TFDP2: variants seen among roughly 807,000 people sequenced by gnomAD.
TFDP2 encodes the protein transcription factor Dp-2 (E2F dimerization partner 2).
A neutral mutation model predicts 59.3 loss-of-function variants in TFDP2; 17 were observed. The observed-to-expected ratio is 0.29, with a 90% confidence interval of 0.20 to 0.43. The LOEUF (loss-of-function observed/expected upper bound fraction) is 0.43. TFDP2 is among the 20% of genes least tolerant of loss of function. The pLI is 1.00. For synonymous variants in TFDP2, 180 were observed against 194.7 expected, an observed-to-expected ratio of 0.92 and a Z score of 0.63; for missense variants, 391 against 528.8, an observed-to-expected ratio of 0.74 and a Z score of 2.56.
chr3:142,087,001 C>G (rs2060826104), intron 3 of TFDP2, among the ~76,000 whole-genome samples: 1 of 152,064 alleles, frequency 6.6e-6, no homozygotes, highest in Non-Finnish European at 1.5e-5. Context: ...GAACTGGGGT[C>G]AAAGACCAAA....
intron 3 of TFDP2, chr3:142,043,727 T>C: frequency 2.3e-6 from 3 of 1,312,604 alleles, no homozygotes; most frequent in African/African-American, 2.9e-5. Context: ...GTCTTAGACC[T>C]GGGGGCCTCA....
chr3:141,995,883 CAAAAAAAAAAAAAA>C (rs146557075), intron 4 of TFDP2, among the ~76,000 whole-genome samples: 6 of 67,948 alleles, frequency 8.8e-5, no homozygotes, highest in Non-Finnish European at 1.5e-4. Context: ...AACTCCATTT[CAAAAAAAAAAAAAA>C]AAAAAAAAAA....
chr3:142,144,989 A>T (rs537880210), intron 1 of TFDP2, among the ~76,000 whole-genome samples: 1 of 152,368 alleles, frequency 6.6e-6, no homozygotes, highest in African/African-American at 2.4e-5. Context: ...GTGGCAGACT[A>T]CGGTAATATT....
intron 7 of TFDP2, among the ~76,000 whole-genome samples, 190 bp downstream of exon 7, chr3:141,978,330 G>C (rs1314481490): frequency 6.8e-6 from 1 of 146,030 alleles, no homozygotes; most frequent in Non-Finnish European, 1.5e-5. Context: ...GGGCGACAGA[G>C]TGAGGTTCCG....
intron 3 of TFDP2, among the ~76,000 whole-genome samples, chr3:142,074,007 G>T (rs1348367724): frequency 6.6e-6 from 1 of 152,164 alleles, no homozygotes; most frequent in Non-Finnish European, 1.5e-5. Flanking sequence ...GAAGAATAAA[G>T]TTGGAAAACT....
Position 142,002,748 on chromosome 3 carries a change from C to T in TFDP2, c.186+2693G>A, listed in dbSNP as rs114940636. 3.5e-3 allele frequency among the ~76,000 whole-genome samples: 532 copies of T among 152,294 alleles called. 3 individuals are homozygous for T. The highest frequency in any genetic ancestry group is 6.8e-3 in the Middle Eastern group (2 of 294). On this transcript the variant is annotated intron_variant, in intron 4 of 12. Coordinates refer to ENST00000489671, the MANE Select transcript of TFDP2 (RefSeq NM_001178139.2). ...CCATTATCCAGTTCCAAAGCCACTTCTACAGTTTTAGGTGTTTGTTATGGC... is the reference window on the plus strand; with the variant it reads ...CCATTATCCAGTTCCAAAGCCACTTTTACAGTTTTAGGTGTTTGTTATGGC...
At chr3:142,128,067 G>A (rs1352882327) in intron 1 of TFDP2, among the ~76,000 whole-genome samples, 1 of 151,986 alleles carries the variant, frequency 6.6e-6, no homozygotes, top group African/African-American at 2.4e-5. Flanking sequence ...AGAGTGTAGC[G>A]GCACATGTCT....
chr3:141,970,708 A>C (rs1250954620), intron 8 of TFDP2, among the ~76,000 whole-genome samples: 1 of 152,220 alleles, frequency 6.6e-6, no homozygotes, highest in Admixed American at 6.5e-5. Context: ...GCAAGATCTT[A>C]TTTACAATTC....
In TFDP2 at chr3:141,946,548, T is replaced by C. The variant is rs1935268904; in HGVS notation, c.*5965A>G. ...GGACCTGTCAGGGACTCCCAGGGCT[T>C]AGCCAGAGGGTCAAAGTGTTGTGCC... is the stretch of plus-strand genomic sequence containing the variant. On this transcript the variant is annotated 3_prime_UTR_variant, in exon 13 of 13. Coordinates refer to ENST00000489671, the MANE Select transcript of TFDP2 (RefSeq NM_001178139.2). 1 of 152,232 alleles carries C rather than the reference T, an allele frequency of 6.6e-6. No homozygotes were observed. The highest frequency in any genetic ancestry group is 1.5e-5 in the Non-Finnish European group (1 of 68,048). 9.4% of individuals were successfully genotyped at this position (152,232 alleles called of 1,614,324 possible). A position where few individuals can be genotyped will look rare whatever the true frequency, so the allele number is the denominator to read the frequency against.
chr3:142,094,685 T>C (rs1333266633), intron 2 of TFDP2, among the ~76,000 whole-genome samples: 2 of 152,230 alleles, frequency 1.3e-5, no homozygotes, highest in Non-Finnish European at 2.9e-5. Context: ...TATATAAAAA[T>C]GGCATACACT....
At chr3:142,022,874 C>A (rs1040827566) in intron 3 of TFDP2, among the ~76,000 whole-genome samples, 1 of 152,058 alleles carries the variant, frequency 6.6e-6, no homozygotes, top group Admixed American at 6.5e-5. Flanking sequence ...TGAATCCCAG[C>A]ACTTTGGGAG....
chr3:142,142,043 C>T (rs141793552), intron 1 of TFDP2, among the ~76,000 whole-genome samples: 1 of 152,248 alleles, frequency 6.6e-6, no homozygotes, highest in East Asian at 1.9e-4. Context: ...TGAAACATGA[C>T]AAGCATGCCC....
At chr3:141,959,633 A>G in intron 11 of TFDP2, 41 bp downstream of exon 11, 1 of 1,581,772 alleles carries the variant, frequency 6.3e-7, no homozygotes. Flanking sequence ...TGGATTCAAC[A>G]TTTAATCAGG....
chr3:142,048,240 C>A (rs1947445423), intron 3 of TFDP2, among the ~76,000 whole-genome samples: 1 of 151,880 alleles, frequency 6.6e-6, no homozygotes, highest in Non-Finnish European at 1.5e-5. Context: ...CATGGTGAAA[C>A]CTCGTCTCCA....
At chr3:142,058,856 A>ATTGG (rs2059826796) in intron 3 of TFDP2, among the ~76,000 whole-genome samples, 1 of 152,158 alleles carries the variant, frequency 6.6e-6, no homozygotes, top group South Asian at 2.1e-4. Flanking sequence ...AATCATGGCC[A>ATTGG]TTGGTAATCA....
Position 141,945,135 on chromosome 3 carries a change from CT to C in TFDP2, c.*7377del, listed in dbSNP as rs34265634. ...TTTGGGCTCATGGCCCTTTACCCAC[CT>C]TTTTTTTTTGAGATGGAATTTCGCT... On this transcript the variant is annotated 3_prime_UTR_variant, in exon 13 of 13. Transcript: ENST00000489671. The C allele has an allele frequency of 1.2e-4, 18 of 148,748 alleles. No homozygotes were observed. Among genetic ancestry groups the C allele is most frequent in the Non-Finnish European group, 2.1e-4 (14 of 67,072 alleles). 9.2% of individuals were successfully genotyped at this position (148,748 alleles called of 1,614,324 possible).
intron 3 of TFDP2, among the ~76,000 whole-genome samples, chr3:142,035,464 C>T (rs1946649280): frequency 1.3e-5 from 2 of 152,200 alleles, no homozygotes; most frequent in South Asian, 4.1e-4. Context: ...TAACAGCAAC[C>T]TCATTACATC....
chr3:142,072,239 G>C (rs939516565), intron 3 of TFDP2, among the ~76,000 whole-genome samples: 1 of 152,160 alleles, frequency 6.6e-6, no homozygotes. Context: ...CATTCTATGA[G>C]CAACCTACTA....
intron 3 of TFDP2, among the ~76,000 whole-genome samples, chr3:142,077,784 T>G (rs2060511011): frequency 6.6e-6 from 1 of 152,032 alleles, no homozygotes. Flanking sequence ...TCCTTCTGTT[T>G]GAGAAAAGCA....
Sources: allele counts gnomAD v4.1 joint callset (sites outside exome capture counted in the v4.1 genomes callset), GRCh38; gene constraint gnomAD v4.1.1; transcripts MANE v1.5; gene names NCBI Gene and HGNC (gene_info 2026-07-23, HGNC 2026-07-21).